RBFOX1: variants seen among roughly 807,000 people sequenced by gnomAD.
RBFOX1 encodes the protein RNA binding fox-1 homolog 1, also known as RNA binding protein fox-1 homolog 1.
A neutral mutation model predicts 57.7 loss-of-function variants in RBFOX1; 8 were observed. That is an observed-to-expected ratio of 0.14 (90% CI 0.08 to 0.25). The LOEUF (loss-of-function observed/expected upper bound fraction) is 0.25. Among genes scored for constraint, RBFOX1 ranks in the 10% least tolerant of loss-of-function variants. RBFOX1 has a pLI of 1.00. For missense variants in RBFOX1, 611 were observed against 548.5 expected (o/e 1.11, Z -1.14); for synonymous variants, 326 against 222.4 (o/e 1.47, Z -4.15).
At chr16:7,331,680 C>G (rs2096698421) in intron 4 of RBFOX1, among the ~76,000 whole-genome samples, 1 of 152,012 alleles carries the variant, frequency 6.6e-6, no homozygotes, top group Non-Finnish European at 1.5e-5. Context: ...GAAGTAGGGA[C>G]TATTATTATC....
At chr16:6,995,659 C>G (rs906364768) in intron 3 of RBFOX1, among the ~76,000 whole-genome samples, 1 of 152,050 alleles carries the variant, frequency 6.6e-6, no homozygotes, top group African/African-American at 2.4e-5. Context: ...ACTCAGAAGG[C>G]TGAGGCAGGA....
chr16:5,250,721 C>G lies in RBFOX1; in HGVS notation c.219+10616C>G, dbSNP rs181675446. Among the ~76,000 whole-genome samples the G allele has an allele frequency of 3.8e-3, 579 of 152,314 alleles. 5 individuals carry two copies. Among genetic ancestry groups the G allele is most frequent in the Admixed American group, 5.8e-3 (89 of 15,308 alleles). On this transcript the variant is annotated intron_variant, in intron 1 of 2. Coordinates refer to the RBFOX1 transcript ENST00000585867. Reference sequence around the variant, plus strand: ...AACCTGGGTATACCACCTTCTTCTCCCAGCAGGTATTCTGACGTGTGGATG... The same window carrying G: ...AACCTGGGTATACCACCTTCTTCTCGCAGCAGGTATTCTGACGTGTGGATG...
intron 1 of RBFOX1, among the ~76,000 whole-genome samples, chr16:6,052,149 C>G (rs1256089694): frequency 1.3e-5 from 2 of 152,166 alleles, no homozygotes; most frequent in Non-Finnish European, 2.9e-5. Context: ...CCCTAGAGAA[C>G]AATTCAACGC....
At chr16:7,153,945 C>G (rs575171769) in intron 4 of RBFOX1, among the ~76,000 whole-genome samples, 2 of 151,958 alleles carry the variant, frequency 1.3e-5, no homozygotes, top group East Asian at 1.9e-4. Context: ...TTTTAAATGA[C>G]GAGAATGGAG....
intron 2 of RBFOX1, among the ~76,000 whole-genome samples, chr16:6,372,166 TGGGTA>T (rs1339393182): frequency 6.6e-6 from 1 of 151,518 alleles, no homozygotes; most frequent in Non-Finnish European, 1.5e-5. Context: ...GGAGGGTTGT[TGGGTA>T]GAATGGAGAT....
intron 1 of RBFOX1, among the ~76,000 whole-genome samples, chr16:6,215,871 T>C (rs2097332729): frequency 6.6e-6 from 1 of 152,170 alleles, no homozygotes; most frequent in African/African-American, 2.4e-5. Flanking sequence ...ACTCGCCACA[T>C]GCCCACTGAA....
intron 4 of RBFOX1, among the ~76,000 whole-genome samples, chr16:7,359,395 T>G (rs2146492706): frequency 6.9e-6 from 1 of 144,116 alleles, no homozygotes; most frequent in South Asian, 2.2e-4. Flanking sequence ...TGCCTCTGTG[T>G]GTTTGTGTGC....
chr16:6,998,781 A>G (rs1296381585), intron 3 of RBFOX1, among the ~76,000 whole-genome samples: 2 of 151,944 alleles, frequency 1.3e-5, no homozygotes, highest in African/African-American at 4.8e-5. Flanking sequence ...TTTATTACAG[A>G]CTCCAGTCTA....
chr16:7,516,782 A>G (rs2076451177), intron 4 of RBFOX1, among the ~76,000 whole-genome samples: 1 of 152,116 alleles, frequency 6.6e-6, no homozygotes. Flanking sequence ...CATTCTAATT[A>G]AGGTCCCTTC....
At chr16:6,885,755 C>T (rs190952944) in intron 3 of RBFOX1, among the ~76,000 whole-genome samples, 1 of 152,256 alleles carries the variant, frequency 6.6e-6, no homozygotes, top group Non-Finnish European at 1.5e-5. Context: ...TGGTCTCGAA[C>T]TCATGCCTCA....
intron 5 of RBFOX1, among the ~76,000 whole-genome samples, chr16:7,523,751 G>C (rs3785271): frequency 0.091 from 13,870 of 152,174 alleles, 755 homozygotes; most frequent in East Asian, 0.22. Context: ...CTCGTTTTTT[G>C]TTACAAACAA....
At chr16:6,262,005 G>C (rs2097704431) in intron 1 of RBFOX1, among the ~76,000 whole-genome samples, 1 of 151,872 alleles carries the variant, frequency 6.6e-6, no homozygotes, top group African/African-American at 2.4e-5. Flanking sequence ...CTCCAGCCTG[G>C]GCAACAGAGT....
intron 4 of RBFOX1, among the ~76,000 whole-genome samples, chr16:7,469,402 T>C (rs1005187549): frequency 3.9e-5 from 6 of 152,124 alleles, no homozygotes; most frequent in African/African-American, 1.4e-4. Flanking sequence ...TATGAGGCTA[T>C]GTTTGTCTCA....
rs536946092 is a variant in RBFOX1, at chr16:7,059,880, T to A, written c.27+7782T>A. Among the ~76,000 whole-genome samples, 51 of 152,230 alleles carry A rather than the reference T, an allele frequency of 3.4e-4. 1 individual carries two copies. Among genetic ancestry groups the A allele is most frequent in the African/African-American group, 1.2e-3 (49 of 41,554 alleles). On this transcript the variant is annotated intron_variant, in intron 4 of 15. Coordinates refer to ENST00000550418, the MANE Select transcript of RBFOX1 (RefSeq NM_018723.4). ...ATTATGTAAACTGATGAAAAATGAG[T>A]GCAGTAAGAAAAAGAGCTGTTTCTA...
chr16:6,651,564 C>T (rs144640458), intron 2 of RBFOX1, among the ~76,000 whole-genome samples: 26 of 152,270 alleles, frequency 1.7e-4, no homozygotes, highest in Non-Finnish European at 3.4e-4. Context: ...CCACAAGTGC[C>T]CATGAGGATG....
chr16:5,714,836 G>A (rs1001645879), intron 3 of RBFOX1, among the ~76,000 whole-genome samples: 6 of 152,170 alleles, frequency 3.9e-5, no homozygotes, highest in Non-Finnish European at 7.3e-5. Flanking sequence ...GTGGGAACGG[G>A]GACTTAGAGG....
intron 4 of RBFOX1, among the ~76,000 whole-genome samples, chr16:7,307,426 G>A (rs1390686697): frequency 1.3e-5 from 2 of 152,290 alleles, no homozygotes; most frequent in Non-Finnish European, 2.9e-5. Context: ...ATGGCCAAGT[G>A]TAAGTGGCAA....
chr16:7,635,572 G>C (rs1732185674), intron 11 of RBFOX1, among the ~76,000 whole-genome samples: 1 of 152,114 alleles, frequency 6.6e-6, no homozygotes. Flanking sequence ...GCAATGGTGG[G>C]GGCGGGGGAC....
chr16:7,709,610 T>A, intron 15 of RBFOX1: 1 of 1,532,088 alleles, frequency 6.5e-7, no homozygotes, highest in Non-Finnish European at 8.7e-7. Flanking sequence ...CAATTCATGT[T>A]TAAAGTCATA....
Sources: gnomAD v4.1 joint callset for allele counts (sites outside exome capture counted in the v4.1 genomes callset) on GRCh38, gnomAD v4.1.1 for gene constraint, MANE v1.5 for transcripts, NCBI Gene and HGNC (gene_info 2026-07-23, HGNC 2026-07-21) for gene names.